Variants in RGS10 observed in about 807,000 individuals in gnomAD.
RGS10 encodes regulator of G protein signaling 10.
Under a neutral mutation model 23.5 loss-of-function variants are expected in RGS10, and 11 were observed. That is an observed-to-expected ratio of 0.47 (90% CI 0.29 to 0.77). The LOEUF (loss-of-function observed/expected upper bound fraction) is 0.77, where lower values mean the gene tolerates loss of function less well. Ranked by LOEUF, RGS10 falls within the 30% of genes least tolerant of loss-of-function variation. RGS10 has a pLI of 0.08. For synonymous variants in RGS10, 77 were observed against 83.2 expected (o/e 0.92, Z 0.41); for missense variants, 180 against 226.3 (o/e 0.80, Z 1.31).
intron 3 of RGS10, among the ~76,000 whole-genome samples, chr10:119,525,203 T>C (rs1380194793): frequency 6.6e-6 from 1 of 151,926 alleles, no homozygotes; most frequent in African/African-American, 2.4e-5. Flanking sequence ...TCCACCAGGG[T>C]CGCAGGGCAA....
At chr10:119,526,244 G>T (rs993874150) in intron 2 of RGS10, 126 bp from the exon 3 acceptor site, 1 of 488,704 alleles carries the variant, frequency 2.0e-6, no homozygotes, top group African/African-American at 2.0e-5. Context: ...GTTACTCTTC[G>T]AAAACCCCAC....
intron 4 of RGS10, among the ~76,000 whole-genome samples, chr10:119,508,900 C>T (rs996400833): frequency 5.3e-5 from 8 of 151,934 alleles, no homozygotes; most frequent in South Asian, 2.1e-4. Context: ...AGTTCAAGAC[C>T]GGCCTGGGCA....
chr10:119,526,839 C>T (rs1844281274), intron 2 of RGS10, among the ~76,000 whole-genome samples: 1 of 151,962 alleles, frequency 6.6e-6, no homozygotes. Flanking sequence ...GTCAGAAAAG[C>T]TATTTCTAGA....
chr10:119,508,297 G>C (rs375829319), intron 4 of RGS10, among the ~76,000 whole-genome samples: 1 of 152,190 alleles, frequency 6.6e-6, no homozygotes, highest in East Asian at 1.9e-4. Flanking sequence ...ACTGTGCCCG[G>C]CCCAAAATCT....
chr10:119,527,332 C>T lies in RGS10; in HGVS notation c.142G>A (p.Asp48Asn), dbSNP rs947780485. The stretch of plus-strand genomic sequence containing the variant: ...CTAAATCTTTTCACGCCTTCTGGGT[C>T]TTCCAGCAGATTCTCCAGGGATGCC... ...WAASLENLLE[D>N]PEGVKRFREF... The change falls in exon 2 of 5, where the codon GAC (aspartate) becomes AAC (asparagine). Residue 48 changes from aspartate (D) to asparagine (N), a missense_variant. By Grantham distance (23) the Asp-to-Asn change is conservative. Transcript: ENST00000369103. This position sits in a 1 kb window ranked among gnomAD's most constrained non-coding sequence, Gnocchi z 4.2. 1 of 1,613,988 alleles carries T rather than the reference C, an allele frequency of 6.2e-7. No homozygotes were observed. The highest frequency in any genetic ancestry group is 8.5e-7 in the Non-Finnish European group (1 of 1,179,942).
At chr10:119,502,776 GC>G (rs1843966951) in intron 4 of RGS10, among the ~76,000 whole-genome samples, 3 of 152,180 alleles carry the variant, frequency 2.0e-5, no homozygotes, top group African/African-American at 7.2e-5. Flanking sequence ...GGTGTGAAAT[GC>G]CCCACGAGTG....
At position 119,505,003 on chromosome 10, in the gene RGS10, T is replaced by C. The variant is rs928061436; in HGVS notation, c.400-4744A>G. Among the ~76,000 whole-genome samples the C allele has an allele frequency of 5.9e-5, 9 of 152,296 alleles. 1 individual carries two copies. Among genetic ancestry groups the C allele is most frequent in the Admixed American group, 4.6e-4 (7 of 15,300 alleles). On this transcript the variant is annotated intron_variant, in intron 4 of 4. Transcript: ENST00000369103. ...GTCCAAGGAGGCTCATCCAGTTGGC[T>C]TGTTGATTTCACCTCACCCCGGCTC... is the stretch of plus-strand genomic sequence containing the variant.
chr10:119,519,393 C>T (rs1473913475), intron 3 of RGS10, among the ~76,000 whole-genome samples: 1 of 144,504 alleles, frequency 6.9e-6, no homozygotes, highest in Non-Finnish European at 1.5e-5. Flanking sequence ...ATCTGTCCCC[C>T]AGCTCCTGTC....
At position 119,529,459 on chromosome 10, in the gene RGS10, GAAACA is replaced by G. The variant is rs972562376; in HGVS notation, c.50-2040_50-2036del. 8.5e-5 allele frequency among the ~76,000 whole-genome samples: 13 copies of G among 152,050 alleles called. No individual in the cohort carries two copies. In the South Asian group the frequency reaches 2.5e-3, roughly 29 times the overall value. On this transcript the variant is annotated intron_variant, in intron 1 of 4. Transcript: ENST00000369103. ...ACAAGAGCGAAACTCTGACTCAAAC[GAAACA>G]AAACAAAACAAAACAAAAAACCCAG...
intron 4 of RGS10, among the ~76,000 whole-genome samples, chr10:119,502,280 C>A (rs963086086): frequency 2.2e-4 from 33 of 152,166 alleles, no homozygotes; most frequent in African/African-American, 6.8e-4. Context: ...TCAGCCCTTC[C>A]AGGCACAAGA....
At chr10:119,536,547 G>A in intron 1 of RGS10, 4 of 1,585,184 alleles carry the variant, frequency 2.5e-6, no homozygotes, top group South Asian at 2.3e-5. Context: ...TGTGAGAAAG[G>A]CAGAGACTGG....
intron 4 of RGS10, among the ~76,000 whole-genome samples, chr10:119,505,574 C>G (rs1294473914): frequency 3.9e-5 from 6 of 152,136 alleles, no homozygotes; most frequent in African/African-American, 1.4e-4. Context: ...GCCACCTCCT[C>G]TCCAGATCCC....
intron 4 of RGS10, among the ~76,000 whole-genome samples, chr10:119,502,136 A>G (rs978198371): frequency 6.6e-6 from 1 of 151,372 alleles, no homozygotes; most frequent in Non-Finnish European, 1.5e-5. Flanking sequence ...GTTTACAGAA[A>G]AAAAAAACAA....
At chr10:119,529,175 G>C (rs953111757) in intron 1 of RGS10, among the ~76,000 whole-genome samples, 13 of 152,148 alleles carry the variant, frequency 8.5e-5, no homozygotes, top group Non-Finnish European at 1.5e-5. Context: ...GTTTCTGGCC[G>C]GGCACGGTGG....
At position 119,538,283 on chromosome 10, in the gene RGS10, C is replaced by A. The variant is rs1448870007; in HGVS notation, c.49+4307G>T. Among the ~76,000 whole-genome samples, 1 of 152,172 alleles carries A rather than the reference C, an allele frequency of 6.6e-6. No homozygotes were observed. Among genetic ancestry groups the A allele is most frequent in the South Asian group, 2.1e-4 (1 of 4,828 alleles). ...GTTTAGGTGGCCGTGGACTTGGGTC[C>A]AAGACTTGAGTTCTCTGCCCCTTCA... On this transcript the variant is annotated intron_variant, in intron 1 of 4. Coordinates refer to ENST00000369103, the MANE Select transcript of RGS10 (RefSeq NM_001005339.2). This position sits in a 1 kb window ranked among gnomAD's most constrained non-coding sequence, Gnocchi z 4.5.
chr10:119,501,145 G>A (rs962422227), intron 4 of RGS10, among the ~76,000 whole-genome samples: 4 of 152,250 alleles, frequency 2.6e-5, no homozygotes, highest in African/African-American at 7.2e-5. Context: ...CCCAGGAAAG[G>A]GGCAGAGAAA....
chr10:119,529,982 C>T (rs1844316268), intron 1 of RGS10, among the ~76,000 whole-genome samples: 1 of 152,058 alleles, frequency 6.6e-6, no homozygotes, highest in Non-Finnish European at 1.5e-5. Context: ...ATCCCAGCTA[C>T]CAGGGAGGCT....
chr10:119,536,332 C>A, intron 1 of RGS10: 1 of 702,332 alleles, frequency 1.4e-6, no homozygotes. Context: ...GCCAAGTGCT[C>A]CTACTGGCCC....
chr10:119,535,617 T>C (rs1016178746), intron 1 of RGS10, among the ~76,000 whole-genome samples: 1 of 152,246 alleles, frequency 6.6e-6, no homozygotes, highest in Non-Finnish European at 1.5e-5. Context: ...CAGGAAGGTC[T>C]GTGTAATCAT....
Sources: gnomAD v4.1 joint callset for allele counts (sites outside exome capture counted in the v4.1 genomes callset) on GRCh38, gnomAD v4.1.1 for gene constraint, Gnocchi (gnomAD v3.1) non-coding constraint, MANE v1.5 for transcripts, NCBI Gene and HGNC (gene_info 2026-07-23, HGNC 2026-07-21) for gene names.